Variants in CNGB3 observed in about 807,000 individuals in gnomAD.
CNGB3 encodes the protein cyclic nucleotide gated channel subunit beta 3, also known as cyclic nucleotide-gated channel beta-3.
In CNGB3, 86 loss-of-function variants were observed where a neutral mutation model predicts 92.8. The ratio of observed to expected loss-of-function variants is 0.93; its 90% CI spans 0.78 to 1.11. The LOEUF (loss-of-function observed/expected upper bound fraction) is 1.11, where lower values mean the gene tolerates loss of function less well. CNGB3 is among the 50% of genes least tolerant of loss of function. CNGB3 has a pLI of 0.00. For missense variants in CNGB3, 1,026 were observed against 956.8 expected, an observed-to-expected ratio of 1.07 and a Z score of -0.95; for synonymous variants, 333 against 332.7, an observed-to-expected ratio of 1.00 and a Z score of -0.01.
At chr8:86,734,837 G>C (rs984646565) in intron 2 of CNGB3, among the ~76,000 whole-genome samples, 4 of 151,972 alleles carry the variant, frequency 2.6e-5, no homozygotes, top group Non-Finnish European at 5.9e-5. Flanking sequence ...TATCAGGGTT[G>C]GGATTTACCA....
At chr8:86,703,192 A>G (rs141872336) in intron 3 of CNGB3, among the ~76,000 whole-genome samples, 20 of 152,214 alleles carry the variant, frequency 1.3e-4, no homozygotes, top group Non-Finnish European at 2.5e-4. Flanking sequence ...CCTACTTAAA[A>G]CAAGACTAAT....
intron 3 of CNGB3, among the ~76,000 whole-genome samples, chr8:86,724,437 G>T (rs574148881): frequency 6.6e-6 from 1 of 152,202 alleles, no homozygotes; most frequent in Admixed American, 6.6e-5. Flanking sequence ...TGAAAATCTA[G>T]CAGTTCAAGC....
chr8:86,695,115 C>A (rs1170483589), intron 3 of CNGB3, among the ~76,000 whole-genome samples: 5 of 151,816 alleles, frequency 3.3e-5, no homozygotes, highest in Admixed American at 3.3e-4. Context: ...GCCAACACAG[C>A]GAAACCCCGT....
intron 11 of CNGB3, among the ~76,000 whole-genome samples, chr8:86,629,618 C>T (rs112406414): frequency 1.6e-3 from 243 of 152,278 alleles, no homozygotes; most frequent in African/African-American, 5.7e-3. Flanking sequence ...CATGAAATTG[C>T]AACCTCTGTA....
intron 11 of CNGB3, among the ~76,000 whole-genome samples, chr8:86,629,847 G>A (rs1822926099): frequency 6.6e-6 from 1 of 152,142 alleles, no homozygotes. Context: ...GCACAAAAAA[G>A]ATATATAGCT....
chr8:86,710,675 G>A (rs1824733796), intron 3 of CNGB3, among the ~76,000 whole-genome samples: 1 of 152,054 alleles, frequency 6.6e-6, no homozygotes, highest in Non-Finnish European at 1.5e-5. Context: ...TATTACCACG[G>A]AAGACTGCTT....
intron 3 of CNGB3, among the ~76,000 whole-genome samples, chr8:86,691,474 C>T (rs1474458338): frequency 1.3e-5 from 2 of 152,130 alleles, no homozygotes; most frequent in Admixed American, 6.5e-5. Context: ...ATGCTTTCAA[C>T]TTTTCCCCAT....
chr8:86,693,589 G>GC (rs1410930885), intron 3 of CNGB3, among the ~76,000 whole-genome samples: 2 of 150,470 alleles, frequency 1.3e-5, no homozygotes, highest in Admixed American at 1.3e-4. Flanking sequence ...AGAGGACCCT[G>GC]CGGCCTTCCG....
At position 86,652,509 on chromosome 8, in the gene CNGB3, C is replaced by G. The variant is rs142315124; in HGVS notation, c.903+1503G>C. On this transcript the variant is annotated intron_variant, in intron 7 of 17. Coordinates refer to ENST00000320005, the MANE Select transcript of CNGB3 (RefSeq NM_019098.5). ...TTGTAATAACACTTAGCTTAAAACA[C>G]TCATTGTGCAGCTATACAAAAGTAT... is the stretch of plus-strand genomic sequence containing the variant. Among the ~76,000 whole-genome samples the G allele has an allele frequency of 3.3e-3, 496 of 152,078 alleles. 1 individual carries two copies. The highest frequency in any genetic ancestry group is 0.011 in the African/African-American group (471 of 41,526).
intron 10 of CNGB3, among the ~76,000 whole-genome samples, chr8:86,642,918 C>T (rs2131593473): frequency 6.6e-6 from 1 of 151,396 alleles, no homozygotes; most frequent in Middle Eastern, 3.4e-3. Context: ...CCCATAAAAC[C>T]CTTCACTGGT....
chr8:86,735,737 A>T (rs1398467216), intron 2 of CNGB3, among the ~76,000 whole-genome samples: 1 of 152,190 alleles, frequency 6.6e-6, no homozygotes, highest in Non-Finnish European at 1.5e-5. Flanking sequence ...ATAATCTGGG[A>T]TAATCTTCCT....
At chr8:86,714,652 C>G (rs1440189255) in intron 3 of CNGB3, among the ~76,000 whole-genome samples, 1 of 151,996 alleles carries the variant, frequency 6.6e-6, no homozygotes, top group East Asian at 1.9e-4. Flanking sequence ...ATCCACAGAC[C>G]CTTTGAAGGA....
intron 3 of CNGB3, among the ~76,000 whole-genome samples, chr8:86,689,471 C>T (rs569994315): frequency 1.3e-4 from 19 of 150,760 alleles, no homozygotes; most frequent in Middle Eastern, 3.5e-3. Context: ...GTGTTGTATG[C>T]ATATATATAC....
At chr8:86,729,029 GC>G (rs1825113171) in intron 2 of CNGB3, among the ~76,000 whole-genome samples, 2 of 152,278 alleles carry the variant, frequency 1.3e-5, no homozygotes, top group African/African-American at 4.8e-5. Flanking sequence ...TCCCACCTCA[GC>G]CTCACGGATC....
In CNGB3 at chr8:86,628,836, T is replaced by C. The variant is rs1382952559; in HGVS notation, c.1480+83A>G. On this transcript the variant is annotated intron_variant, in intron 12 of 17. Coordinates refer to ENST00000320005, the MANE Select transcript of CNGB3 (RefSeq NM_019098.5). ...GTTGTTTTTCAACCTTTTGTTCAAA[T>C]CCAACTAGTCTCTGCTACCTTACAG... is the stretch of plus-strand genomic sequence containing the variant. 6 of 1,426,410 alleles carry C rather than the reference T, an allele frequency of 4.2e-6. No homozygotes were observed. The East Asian group carries it at 1.4e-4, about 33-fold the overall frequency. The allele number at this position is 1,426,410 out of a possible 1,614,324, so 88.4% of individuals were successfully genotyped here.
intron 14 of CNGB3, among the ~76,000 whole-genome samples, chr8:86,604,764 T>A (rs1438106329): frequency 6.6e-6 from 1 of 152,188 alleles, no homozygotes; most frequent in Non-Finnish European, 1.5e-5. Context: ...CTTTGGGGAC[T>A]CTTGGGACCA....
At chr8:86,641,329 A>C (rs1442743229) in intron 10 of CNGB3, among the ~76,000 whole-genome samples, 1 of 152,038 alleles carries the variant, frequency 6.6e-6, no homozygotes, top group Non-Finnish European at 1.5e-5. Context: ...TATTCTAAGC[A>C]GTCCATGCCA....
rs1040581292 is a variant in CNGB3, at chr8:86,575,607, G to A, written c.*197C>T. Reference sequence around the variant, plus strand: ...ATAAAGTTAATGAAAACGGAGAATAGGGATGGCTTTTAATAATCTTCTTAT... The same window carrying A: ...ATAAAGTTAATGAAAACGGAGAATAAGGATGGCTTTTAATAATCTTCTTAT... On this transcript the variant is annotated 3_prime_UTR_variant, in exon 18 of 18. Transcript: ENST00000320005. 2.1e-5 allele frequency: 11 copies of A among 522,864 alleles called. No homozygotes were observed. Among genetic ancestry groups the A allele is most frequent in the African/African-American group, 1.9e-4 (10 of 51,302 alleles). The allele number at this position is 522,864 out of a possible 1,614,324, so 32.4% of individuals were successfully genotyped here. A position where few individuals can be genotyped will look rare whatever the true frequency, so the allele number is the denominator to read the frequency against.
chr8:86,684,354 G>A (rs761305938), intron 3 of CNGB3, among the ~76,000 whole-genome samples: 22 of 152,084 alleles, frequency 1.4e-4, no homozygotes, highest in Admixed American at 5.2e-4. Flanking sequence ...CCAAATGCTG[G>A]CAAGCCTGGG....
Sources: gnomAD v4.1 joint callset for allele counts (sites outside exome capture counted in the v4.1 genomes callset) on GRCh38, gnomAD v4.1.1 for gene constraint, MANE v1.5 for transcripts, NCBI Gene and HGNC (gene_info 2026-07-23, HGNC 2026-07-21) for gene names.